The following LRPPRC variants were observed in gnomAD, a reference collection of about 807,000 sequenced individuals.
The protein encoded by LRPPRC is leucine rich pentatricopeptide repeat containing.
In LRPPRC, 120 loss-of-function variants were observed where a neutral mutation model predicts 180.3. The ratio of observed to expected loss-of-function variants is 0.67; its 90% CI spans 0.57 to 0.77. The LOEUF (loss-of-function observed/expected upper bound fraction) is 0.77. LRPPRC is among the 30% of genes least tolerant of loss of function. LRPPRC has a pLI of 0.00. For synonymous variants in LRPPRC, 723 were observed against 600.0 expected (o/e 1.21, Z -3.00); for missense variants, 2,012 against 1,657.2 (o/e 1.21, Z -3.72).
At chr2:43,925,422 A>G (rs1452738449) in intron 26 of LRPPRC, among the ~76,000 whole-genome samples, 1 of 152,240 alleles carries the variant, frequency 6.6e-6, no homozygotes, top group African/African-American at 2.4e-5. Flanking sequence ...CACAACATGA[A>G]TAACTAATTC....
chr2:43,985,235 A>G (rs1470512978), intron 1 of LRPPRC, among the ~76,000 whole-genome samples: 1 of 152,144 alleles, frequency 6.6e-6, no homozygotes, highest in African/African-American at 2.4e-5. Flanking sequence ...TTATAGAAAA[A>G]TTGTACTGAA....
intron 25 of LRPPRC, among the ~76,000 whole-genome samples, chr2:43,929,860 G>C (rs965369590): frequency 6.6e-6 from 1 of 152,016 alleles, no homozygotes; most frequent in Non-Finnish European, 1.5e-5. Context: ...ACTTGACCAG[G>C]TGTTATAGGA....
At chr2:43,978,629 T>C (rs1484192428) in intron 3 of LRPPRC, among the ~76,000 whole-genome samples, 1 of 152,078 alleles carries the variant, frequency 6.6e-6, no homozygotes, top group African/African-American at 2.4e-5. Flanking sequence ...ACTTATAAAA[T>C]CCTTTTCCAT....
rs371840132 is a variant in LRPPRC, at chr2:43,988,684, A to C, written c.150-6250T>G. ...CTCCGGAGTAGCTGGGACTACAGGC[A>C]CCCGCCACCACGCCCAGCTAATTTT... On this transcript the variant is annotated intron_variant, in intron 1 of 37. Transcript: ENST00000260665. Among the ~76,000 whole-genome samples, 10 of 151,804 alleles carry C rather than the reference A, an allele frequency of 6.6e-5. No homozygotes were observed. The East Asian group carries it at 7.7e-4, about 12-fold the overall frequency.
At chr2:43,904,296 T>C (rs1157717903) in intron 31 of LRPPRC, 3 of 152,164 alleles carry the variant, frequency 2.0e-5, no homozygotes, top group Non-Finnish European at 2.9e-5. Flanking sequence ...TCAGTACTAA[T>C]CAATTAGGAA....
At chr2:43,941,855 A>C (rs945281240) in intron 23 of LRPPRC, among the ~76,000 whole-genome samples, 10 of 150,676 alleles carry the variant, frequency 6.6e-5, no homozygotes, top group Admixed American at 5.3e-4. Context: ...AAAAAAAAAA[A>C]AAACTAGGCA....
chr2:43,995,763 C>T (rs986385141), intron 1 of LRPPRC, 36 bp downstream of exon 1: 6 of 1,347,592 alleles, frequency 4.5e-6, no homozygotes, highest in Non-Finnish European at 5.7e-6. Flanking sequence ...GACCCTGGCG[C>T]CGCAGCTTGC....
At chr2:43,952,144 G>T (rs968207559) in intron 14 of LRPPRC, among the ~76,000 whole-genome samples, 4 of 151,748 alleles carry the variant, frequency 2.6e-5, no homozygotes, top group Admixed American at 2.0e-4. Flanking sequence ...GGTGAGCCAA[G>T]ATCGCGCCAC....
At chr2:43,909,800 G>C (rs1671193737) in intron 30 of LRPPRC, among the ~76,000 whole-genome samples, 1 of 151,954 alleles carries the variant, frequency 6.6e-6, no homozygotes, top group South Asian at 2.1e-4. Flanking sequence ...TCTCAGGAAG[G>C]CTTCATAAAG....
At chr2:43,906,121 A>G (rs1369655276) in intron 30 of LRPPRC, among the ~76,000 whole-genome samples, 2 of 152,038 alleles carry the variant, frequency 1.3e-5, no homozygotes, top group Non-Finnish European at 2.9e-5. Context: ...TAAGCTGGAT[A>G]CTTTTTTTTT....
At chr2:43,901,286 C>A in intron 32 of LRPPRC, 34 bp downstream of exon 32, 1 of 1,561,450 alleles carries the variant, frequency 6.4e-7, no homozygotes, top group Non-Finnish European at 8.8e-7. Context: ...ATTCTAGTGA[C>A]CAATGAAGGA....
chr2:43,934,674 GTTTCTC>G, intron 24 of LRPPRC, 74 bp downstream of exon 24: 10 of 1,295,738 alleles, frequency 7.7e-6, no homozygotes, highest in African/African-American at 1.5e-5. Flanking sequence ...CCTTCTGCTG[GTTTCTC>G]TTAACAATAC....
chr2:43,930,047 T>C (rs576995686), intron 25 of LRPPRC, among the ~76,000 whole-genome samples: 23 of 151,990 alleles, frequency 1.5e-4, no homozygotes, highest in African/African-American at 5.5e-4. Flanking sequence ...GGAAGGCAAA[T>C]GGGATAAAAA....
At chr2:43,982,660 T>A (rs956264911) in intron 1 of LRPPRC, among the ~76,000 whole-genome samples, 1 of 152,198 alleles carries the variant, frequency 6.6e-6, no homozygotes, top group African/African-American at 2.4e-5. Flanking sequence ...TCCTGAATAA[T>A]TGACAACATC....
intron 32 of LRPPRC, among the ~76,000 whole-genome samples, chr2:43,901,026 T>C (rs1670863457): frequency 6.6e-6 from 1 of 152,186 alleles, no homozygotes; most frequent in African/African-American, 2.4e-5. Context: ...TTTTCACTTC[T>C]GAACAAAGTG....
chr2:43,947,413 A>AAAT (rs766621143), intron 19 of LRPPRC, 43 bp from the exon 20 acceptor site: 3 of 965,046 alleles, frequency 3.1e-6, no homozygotes, highest in Non-Finnish European at 5.0e-6. Context: ...CTGAAAAAGG[A>AAAT]AATATAGTAT....
intron 1 of LRPPRC, among the ~76,000 whole-genome samples, chr2:43,986,916 T>C (rs1221786383): frequency 1.3e-5 from 2 of 152,214 alleles, no homozygotes; most frequent in Admixed American, 6.5e-5. Flanking sequence ...CTAGTTTTCA[T>C]AGAGCCGCTC....
At chr2:43,929,786 A>G (rs1276240992) in intron 25 of LRPPRC, among the ~76,000 whole-genome samples, 1 of 152,186 alleles carries the variant, frequency 6.6e-6, no homozygotes, top group Non-Finnish European at 1.5e-5. Context: ...ACCATGTATA[A>G]TAAGGAGGAA....
At chr2:43,907,496 T>C (rs1671101458) in intron 30 of LRPPRC, among the ~76,000 whole-genome samples, 1 of 152,222 alleles carries the variant, frequency 6.6e-6, no homozygotes, top group Non-Finnish European at 1.5e-5. Flanking sequence ...TCAAACTTCC[T>C]GTGATGATGG....
Sources: gnomAD v4.1 joint callset for allele counts (sites outside exome capture counted in the v4.1 genomes callset) on GRCh38, gnomAD v4.1.1 for gene constraint, MANE v1.5 for transcripts, NCBI Gene and HGNC (gene_info 2026-07-23, HGNC 2026-07-21) for gene names.